Variants in FKBP6 observed in about 807,000 individuals in gnomAD.
FKBP6 encodes FKBP prolyl isomerase family member 6 (inactive).
FKBP6 carries 29 observed loss-of-function variants against 41.7 expected under a neutral mutation model. The ratio of observed to expected loss-of-function variants is 0.70; its 90% CI spans 0.52 to 0.95. The LOEUF (loss-of-function observed/expected upper bound fraction) is 0.95, where lower values mean the gene tolerates loss of function less well. Ranked by LOEUF, FKBP6 falls within the 40% of genes least tolerant of loss-of-function variation. FKBP6 has a pLI of 0.00. For missense variants in FKBP6, 338 were observed against 408.7 expected, an observed-to-expected ratio of 0.83 and a Z score of 1.49; for synonymous variants, 130 against 165.1, an observed-to-expected ratio of 0.79 and a Z score of 1.63.
intron 2 of FKBP6, among the ~76,000 whole-genome samples, chr7:73,328,921 C>T (rs181980616): frequency 6.6e-6 from 1 of 152,090 alleles, no homozygotes; most frequent in Non-Finnish European, 1.5e-5. Context: ...ATTCTCCTGC[C>T]TCAGCCTCCC....
rs1554549534 is a variant in FKBP6 at position 73,341,345 on chromosome 7, A to G, written c.856A>G (p.Asn286Asp). The change falls in exon 7 of 9, where the codon AAT (asparagine) becomes GAT (aspartate). Residue 286 changes from asparagine to aspartate, a missense_variant. Physicochemically the swap from Asn to Asp is conservative, Grantham distance 23. Around this residue, in one of 2 missense-constraint regions of FKBP6, gnomAD observed 239 missense variants for 250.1 expected, o/e 0.96. Transcript: ENST00000252037. ...TCGAGCCCAGAAGGAGCAACCCTTC[A>G]ATCATGACATCAATAATGAGCTGAA... Reference protein sequence around the residue: ...LVRAQKEQPFNHDINNELKKL... With the variant: ...LVRAQKEQPFDHDINNELKKL... The G allele has an allele frequency of 1.2e-6, 2 of 1,613,156 alleles. No individual in the cohort carries two copies. The highest frequency in any genetic ancestry group is 1.1e-5 in the South Asian group (1 of 91,068).
At chr7:73,329,266 T>G in intron 2 of FKBP6, 94 bp from the exon 3 acceptor site, 1 of 821,746 alleles carries the variant, frequency 1.2e-6, no homozygotes, top group South Asian at 1.3e-5. Context: ...AGCTCATCTG[T>G]TCACATTGTT....
chr7:73,334,206 C>T (rs573710935), intron 5 of FKBP6, among the ~76,000 whole-genome samples: 1 of 152,266 alleles, frequency 6.6e-6, no homozygotes, highest in South Asian at 2.1e-4. Context: ...CGTTTTTCCC[C>T]GGCATTCCTA....
At chr7:73,329,716 ATACT>A in intron 3 of FKBP6, 1 of 568,294 alleles carries the variant, frequency 1.8e-6, no homozygotes, top group East Asian at 3.0e-5. Flanking sequence ...ACTCAATCGA[ATACT>A]TACTTCCCAC....
chr7:73,354,292 G>A (rs1353969789), intron 8 of FKBP6, among the ~76,000 whole-genome samples: 33 of 152,214 alleles, frequency 2.2e-4, no homozygotes, highest in Non-Finnish European at 2.9e-5. Flanking sequence ...GCAGAGGGAC[G>A]TGGCCAAGGG....
intron 5 of FKBP6, among the ~76,000 whole-genome samples, chr7:73,338,640 A>G (rs2115879751): frequency 6.6e-6 from 1 of 152,260 alleles, no homozygotes; most frequent in South Asian, 2.1e-4. Context: ...ACCAACACTT[A>G]TTTTATATTT....
intron 8 of FKBP6, among the ~76,000 whole-genome samples, chr7:73,352,866 A>T (rs1805528655): frequency 1.3e-5 from 2 of 152,156 alleles, no homozygotes; most frequent in Admixed American, 1.3e-4. Flanking sequence ...CAAGAGGCAG[A>T]CAGAGGGGCA....
intron 1 of FKBP6, 32 bp from the exon 2 acceptor site, chr7:73,328,543 G>A (rs62465083): frequency 0.01 from 15,643 of 1,562,852 alleles, 87 homozygotes; most frequent in Non-Finnish European, 0.011. Flanking sequence ...GTGGGTCTGC[G>A]GCTCTGAGGC....
rs1172227200 is a variant in FKBP6, at chr7:73,355,993, GA to G, written c.*3-2187del. Among the ~76,000 whole-genome samples, 3 of 150,032 alleles carry G rather than the reference GA, an allele frequency of 2.0e-5. No individual in the cohort carries two copies. The Admixed American group carries it at 2.0e-4, about 10-fold the overall frequency. On this transcript the variant is annotated intron_variant, in intron 8 of 8. Transcript: ENST00000252037. ...AGGCAAGGAAGTGGCTTGAACCCGGGAGGCGGAGCTTGCAGACAGCAGAGAT... is the reference window on the plus strand; with the variant it reads ...AGGCAAGGAAGTGGCTTGAACCCGGGGGCGGAGCTTGCAGACAGCAGAGAT...
intron 5 of FKBP6, chr7:73,336,787 C>A (rs1391286001): frequency 2.2e-6 from 1 of 456,442 alleles, no homozygotes; most frequent in Non-Finnish European, 4.4e-6. Flanking sequence ...TGCGGCTGAA[C>A]CTGTTAACAG....
intron 5 of FKBP6, among the ~76,000 whole-genome samples, chr7:73,340,209 T>C (rs1000881856): frequency 6.6e-6 from 1 of 152,206 alleles, no homozygotes; most frequent in Non-Finnish European, 1.5e-5. Context: ...CATTTTTGGG[T>C]AGTTCGTTGC....
intron 7 of FKBP6, 146 bp downstream of exon 7, chr7:73,341,528 G>C: frequency 1.5e-6 from 1 of 685,494 alleles, no homozygotes; most frequent in Non-Finnish European, 2.6e-6. Flanking sequence ...TTTCTGAAGT[G>C]CTCGGCCGTG....
intron 5 of FKBP6, among the ~76,000 whole-genome samples, chr7:73,339,672 G>A (rs1216855659): frequency 6.8e-6 from 1 of 147,018 alleles, no homozygotes; most frequent in Non-Finnish European, 1.5e-5. Context: ...GGAGTGCAGT[G>A]GTGTGGTCTC....
At position 73,351,864 on chromosome 7, in the gene FKBP6, GA is replaced by G. The variant is rs536067507; in HGVS notation, c.*3-6314del. Among the ~76,000 whole-genome samples, 263 of 152,296 alleles carry G rather than the reference GA, an allele frequency of 1.7e-3. 1 individual carries two copies. Among genetic ancestry groups the G allele is most frequent in the African/African-American group, 5.6e-3 (231 of 41,570 alleles). ...GCCCTTTATGATTCATGATGGGGTT[GA>G]AAGACAGAACATTTGGATCCTCAGT... is the stretch of plus-strand genomic sequence containing the variant. On this transcript the variant is annotated intron_variant, in intron 8 of 8. Transcript: ENST00000252037.
chr7:73,353,499 T>C (rs140991412), intron 8 of FKBP6, among the ~76,000 whole-genome samples: 1 of 152,286 alleles, frequency 6.6e-6, no homozygotes, highest in East Asian at 1.9e-4. Flanking sequence ...TTCAGAACAT[T>C]TCCTTTCTCG....
chr7:73,329,246 G>T (rs536039854), intron 2 of FKBP6, 114 bp from the exon 3 acceptor site: 2 of 794,248 alleles, frequency 2.5e-6, no homozygotes, highest in Non-Finnish European at 4.6e-6. Flanking sequence ...TCGGGGTGTC[G>T]GGCAGCTTAA....
At chr7:73,349,583 G>A (rs1187345552) in intron 8 of FKBP6, among the ~76,000 whole-genome samples, 2 of 144,898 alleles carry the variant, frequency 1.4e-5, no homozygotes, top group East Asian at 2.1e-4. Context: ...GCGTGGTGGC[G>A]CACATCTGTA....
chr7:73,353,196 C>T (rs1373597416), intron 8 of FKBP6, among the ~76,000 whole-genome samples: 1 of 152,154 alleles, frequency 6.6e-6, no homozygotes, highest in Non-Finnish European at 1.5e-5. Context: ...CCTCCTGCCT[C>T]CCTTTTACGA....
intron 8 of FKBP6, among the ~76,000 whole-genome samples, chr7:73,354,688 C>T (rs186604539): frequency 7.2e-4 from 109 of 152,300 alleles, no homozygotes; most frequent in African/African-American, 2.5e-3. Flanking sequence ...TCATTCTCCA[C>T]GTTTACTATG....
Sources: gnomAD v4.1 joint callset for allele counts (sites outside exome capture counted in the v4.1 genomes callset) on GRCh38, gnomAD v4.1.1 for gene constraint, gnomAD v4.1.1 regional missense constraint, MANE v1.5 for transcripts, NCBI Gene and HGNC (gene_info 2026-07-23, HGNC 2026-07-21) for gene names.